The following NTM variants were observed in gnomAD, a reference collection of about 807,000 sequenced individuals.
NTM encodes neurotrimin.
NTM carries 13 observed loss-of-function variants against 42.1 expected under a neutral mutation model. That is an observed-to-expected ratio of 0.31 (90% CI 0.20 to 0.49). The LOEUF is 0.49. NTM is among the 20% of genes least tolerant of loss of function. NTM has a pLI of 0.99. For synonymous variants in NTM, 187 were observed against 179.2 expected (o/e 1.04, Z -0.35); for missense variants, 373 against 452.8 (o/e 0.82, Z 1.60).
chr11:131,525,326 C>T (rs749659866), intron 1 of NTM, among the ~76,000 whole-genome samples: 6 of 152,182 alleles, frequency 3.9e-5, no homozygotes, highest in Non-Finnish European at 8.8e-5. Context: ...CGCCGGAAAT[C>T]GCATCCTGTA....
rs1260624188 is a variant in NTM at position 131,789,485 on chromosome 11, A to G, written c.83-122079A>G. Among the ~76,000 whole-genome samples, 5 of 10,068 alleles carry G rather than the reference A, an allele frequency of 5.0e-4. 1 individual carries two copies. Among genetic ancestry groups the G allele is most frequent in the African/African-American group, 1.1e-3 (3 of 2,824 alleles). The allele number at this position is 10,068 out of a possible 152,430, so 6.6% of individuals were successfully genotyped here. The stretch of plus-strand genomic sequence containing the variant: ...GAAGAAGAAGAAGAAGAAGAAGAAG[A>G]AGAAGAGGAAAGAAGAAGAAGAAGA... On this transcript the variant is annotated intron_variant, in intron 1 of 8. Coordinates refer to ENST00000683400, the MANE Select transcript of NTM (RefSeq NM_001352005.2).
chr11:131,989,805 G>A (rs1241668393), intron 2 of NTM, among the ~76,000 whole-genome samples: 10 of 151,896 alleles, frequency 6.6e-5, no homozygotes, highest in Admixed American at 5.9e-4. Context: ...TTCTATTTAG[G>A]TCATGCAGTC....
chr11:132,310,480 C>T (rs1359662384), intron 6 of NTM, among the ~76,000 whole-genome samples: 2 of 152,252 alleles, frequency 1.3e-5, no homozygotes, highest in South Asian at 2.1e-4. Context: ...TTTAGGAAGG[C>T]AAAATCACAA....
At chr11:132,139,762 A>T (rs151021479) in intron 2 of NTM, among the ~76,000 whole-genome samples, 151 of 152,238 alleles carry the variant, frequency 9.9e-4, no homozygotes, top group African/African-American at 3.5e-3. Context: ...CCTTTATTGG[A>T]TGCAGGCCTC....
rs573313468 is a variant in NTM at position 131,629,939 on chromosome 11, G to T, written c.82+259051G>T. 5.9e-5 allele frequency among the ~76,000 whole-genome samples: 9 copies of T among 152,234 alleles called. No individual in the cohort carries two copies. The East Asian group carries it at 1.7e-3, about 29-fold the overall frequency. ...GTGTGCTGCCTCTGTAATCTCCCAG[G>T]ATCTGTGCTCCTCTGCACCATCCCT... On this transcript the variant is annotated intron_variant, in intron 1 of 8. Transcript: ENST00000683400.
intron 2 of NTM, among the ~76,000 whole-genome samples, chr11:131,931,491 GTGTGTGTGTGTGTA>G (rs1454497871): frequency 6.6e-6 from 1 of 151,622 alleles, no homozygotes; most frequent in East Asian, 1.9e-4. Context: ...GTGTGTGTGT[GTGTGTGTGTGTGTA>G]TGTGTGTGTG....
chr11:131,729,482 A>T (rs2135469046), intron 1 of NTM, among the ~76,000 whole-genome samples: 1 of 152,310 alleles, frequency 6.6e-6, no homozygotes, highest in Admixed American at 6.5e-5. Context: ...GCATAATATG[A>T]TGTTTTTTAG....
intron 1 of NTM, among the ~76,000 whole-genome samples, chr11:131,493,494 T>C (rs1955014751): frequency 6.6e-6 from 1 of 152,162 alleles, no homozygotes; most frequent in Non-Finnish European, 1.5e-5. Flanking sequence ...GAAAATTCTC[T>C]TTGAACCCAC....
rs981397017 is a variant in NTM, at chr11:131,846,095, T to G, written c.83-65469T>G. ...TGTTTTAAACATCACATGTATAATT[T>G]GATTTTCCGTGCTTTAATTATTTCT... is the stretch of plus-strand genomic sequence containing the variant. On this transcript the variant is annotated intron_variant, in intron 1 of 8. Coordinates refer to ENST00000683400, the MANE Select transcript of NTM (RefSeq NM_001352005.2). Among the ~76,000 whole-genome samples, 8 of 152,340 alleles carry G rather than the reference T, an allele frequency of 5.3e-5. No homozygotes were observed. The South Asian group carries it at 1.7e-3, about 32-fold the overall frequency.
intron 1 of NTM, among the ~76,000 whole-genome samples, chr11:131,786,094 C>T (rs776973363): frequency 6.6e-6 from 1 of 152,090 alleles, no homozygotes; most frequent in Non-Finnish European, 1.5e-5. Context: ...GCATTTTCTT[C>T]GGGGAAGAGA....
In NTM at chr11:131,558,998, A is replaced by G. The variant is rs549964971; in HGVS notation, c.82+188110A>G. ...TAATTAGTGAATTTCAATAATAGAC[A>G]TATGGGTTTATTTTACCATGTTTCT... On this transcript the variant is annotated intron_variant, in intron 1 of 8. Transcript: ENST00000683400. Among the ~76,000 whole-genome samples the G allele has an allele frequency of 3.2e-4, 48 of 152,348 alleles. No homozygotes were observed. The South Asian group carries it at 6.8e-3, about 22-fold the overall frequency.
chr11:132,119,918 G>C (rs2064492712), intron 2 of NTM, among the ~76,000 whole-genome samples: 1 of 152,238 alleles, frequency 6.6e-6, no homozygotes, highest in Admixed American at 6.5e-5. Flanking sequence ...AGCTCCTGGG[G>C]AGATGCAGAT....
Position 131,691,308 on chromosome 11 carries a change from C to G in NTM, c.83-220256C>G, listed in dbSNP as rs544293025. ...CCCCTCTGTTGGCGGCCGGGGGCCG[C>G]GGGGAGTTCGCCCCTGTGGGTCTGG... On this transcript the variant is annotated intron_variant, in intron 1 of 8. Coordinates refer to ENST00000683400, the MANE Select transcript of NTM (RefSeq NM_001352005.2). Among the ~76,000 whole-genome samples, 442 of 152,340 alleles carry G rather than the reference C, an allele frequency of 2.9e-3. 3 individuals are homozygous for G. Among genetic ancestry groups the G allele is most frequent in the African/African-American group, 9.6e-3 (401 of 41,584 alleles).
Position 132,212,139 on chromosome 11 carries a change from C to A in NTM, c.518C>A (p.Ser173Tyr). 6.2e-7 allele frequency: 1 copy of A among 1,611,160 alleles called. No individual in the cohort carries two copies. The highest frequency in any genetic ancestry group is 1.1e-5 in the South Asian group (1 of 90,270). Residue 173 changes from serine to tyrosine, a missense_variant, in exon 4 of 9, where the codon TCT (serine) becomes TAT (tyrosine). Physicochemically the swap from Ser to Tyr is moderately radical, Grantham distance 144 (BLOSUM62 -2). Transcript: ENST00000683400. The part of the protein sequence containing the change: ...PEPTVTWRHI[S>Y]PKAVGFVSED... ...CCTACGGTTACTTGGAGACACATCTCTCCCAAAGGTAAGAGAACAGTTTGT... is the reference window on the plus strand; with the variant it reads ...CCTACGGTTACTTGGAGACACATCTATCCCAAAGGTAAGAGAACAGTTTGT...
intron 1 of NTM, among the ~76,000 whole-genome samples, chr11:131,688,265 CAG>C (rs376649359): frequency 2.8e-4 from 43 of 152,296 alleles, no homozygotes; most frequent in East Asian, 5.8e-4. Context: ...GGACTCCAGA[CAG>C]GGGGGAAAGC....
chr11:131,583,787 C>T (rs2058621724), intron 1 of NTM, among the ~76,000 whole-genome samples: 1 of 152,130 alleles, frequency 6.6e-6, no homozygotes, highest in Non-Finnish European at 1.5e-5. Flanking sequence ...GGCCAAGGAA[C>T]CAAGGAGTAT....
intron 1 of NTM, among the ~76,000 whole-genome samples, chr11:131,820,555 G>C (rs763012086): frequency 3.3e-5 from 5 of 151,988 alleles, no homozygotes; most frequent in Non-Finnish European, 7.4e-5. Flanking sequence ...TTTTTAAATG[G>C]GGCCAAGGCC....
At chr11:131,788,317 A>C (rs2089605378) in intron 1 of NTM, among the ~76,000 whole-genome samples, 2 of 152,092 alleles carry the variant, frequency 1.3e-5, no homozygotes, top group South Asian at 4.2e-4. Context: ...TATTTTTGTC[A>C]GATCCTTCCT....
intron 1 of NTM, among the ~76,000 whole-genome samples, chr11:131,877,384 A>C (rs572320023): frequency 1.9e-3 from 294 of 152,310 alleles, no homozygotes; most frequent in Middle Eastern, 0.01. Context: ...GGCTATCTTC[A>C]AGAGTGTGTC....
Sources: gnomAD v4.1 joint callset for allele counts (sites outside exome capture counted in the v4.1 genomes callset) on GRCh38, gnomAD v4.1.1 for gene constraint, MANE v1.5 for transcripts, NCBI Gene and HGNC (gene_info 2026-07-23, HGNC 2026-07-21) for gene names.